The following RNF130 variants were observed in gnomAD, a reference collection of about 807,000 sequenced individuals.
RNF130 encodes ring finger protein 130.
A neutral mutation model predicts 44.6 loss-of-function variants in RNF130; 21 were observed. The observed-to-expected ratio is 0.47, with a 90% CI of 0.33 to 0.68. The LOEUF (loss-of-function observed/expected upper bound fraction) is 0.68. Among genes scored for constraint, RNF130 ranks in the 30% least tolerant of loss-of-function variants. The pLI is 0.02. For synonymous variants in RNF130, 214 were observed against 210.4 expected (o/e 1.02, Z -0.15); for missense variants, 479 against 560.6 (o/e 0.85, Z 1.47).
At chr5:180,002,423 C>T (rs1162534824) in intron 3 of RNF130, among the ~76,000 whole-genome samples, 6 of 152,176 alleles carry the variant, frequency 3.9e-5, no homozygotes, top group Non-Finnish European at 5.9e-5. Flanking sequence ...TGACTACTCA[C>T]CCCTGGAGCA....
downstream of RNF130, among the ~76,000 whole-genome samples, chr5:179,954,868 A>C (rs752342352): frequency 1.1e-4 from 16 of 152,278 alleles, no homozygotes; most frequent in Non-Finnish European, 2.2e-4. Flanking sequence ...ACAAATACTG[A>C]AAATCCTTCA....
At chr5:179,970,701 C>T (rs1484994460) in intron 5 of RNF130, among the ~76,000 whole-genome samples, 195 bp from the exon 6 acceptor site, 4 of 151,966 alleles carry the variant, frequency 2.6e-5, no homozygotes, top group Non-Finnish European at 5.9e-5. Flanking sequence ...CTCATATGTA[C>T]AACACCGTGT....
At chr5:179,935,178 T>C (rs1362003469) in intron 7 of RNF130, among the ~76,000 whole-genome samples, 1 of 152,232 alleles carries the variant, frequency 6.6e-6, no homozygotes, top group Non-Finnish European at 1.5e-5. Context: ...CTTTTTGTTA[T>C]TGATTTATAA....
intron 8 of RNF130, among the ~76,000 whole-genome samples, chr5:179,958,557 T>C (rs1019433795): frequency 6.6e-6 from 1 of 152,212 alleles, no homozygotes; most frequent in African/African-American, 2.4e-5. Context: ...GCCTTCTACC[T>C]GATCTGAGGT....
intron 3 of RNF130, among the ~76,000 whole-genome samples, chr5:180,010,326 G>A (rs1347371312): frequency 6.6e-6 from 1 of 150,732 alleles, no homozygotes; most frequent in Non-Finnish European, 1.5e-5. Context: ...AAACTCTAGA[G>A]GTTACATACT....
chr5:179,992,101 T>TATGG (rs1763096184), intron 3 of RNF130, among the ~76,000 whole-genome samples: 2 of 152,316 alleles, frequency 1.3e-5, no homozygotes, highest in African/African-American at 4.8e-5. Flanking sequence ...CCTGTATCCA[T>TATGG]GGTCTAGATC....
At chr5:179,953,342 TA>T (rs1486298655), downstream of RNF130, among the ~76,000 whole-genome samples, 2 of 151,870 alleles carry the variant, frequency 1.3e-5, no homozygotes, top group South Asian at 2.1e-4. Flanking sequence ...AAGTTGATTC[TA>T]AAATTCATGC....
intron 5 of RNF130, among the ~76,000 whole-genome samples, chr5:179,974,495 G>A (rs1310349151): frequency 6.6e-6 from 1 of 152,238 alleles, no homozygotes; most frequent in Non-Finnish European, 1.5e-5. Context: ...TAGTGCGACA[G>A]AAGAGGAAAA....
intron 1 of RNF130, among the ~76,000 whole-genome samples, chr5:180,048,579 A>G (rs1485091071): frequency 1.3e-5 from 2 of 152,172 alleles, no homozygotes; most frequent in African/African-American, 4.8e-5. Context: ...TGAAAGCTAC[A>G]GTGAACTGGG....
At chr5:180,044,386 A>G (rs1445281152) in intron 1 of RNF130, among the ~76,000 whole-genome samples, 1 of 152,102 alleles carries the variant, frequency 6.6e-6, no homozygotes, top group Non-Finnish European at 1.5e-5. Flanking sequence ...CTGAGTCCAA[A>G]AGTATTAAAA....
intron 7 of RNF130, among the ~76,000 whole-genome samples, chr5:179,941,667 T>G (rs1162972225): frequency 6.6e-6 from 1 of 152,188 alleles, no homozygotes; most frequent in African/African-American, 2.4e-5. Flanking sequence ...ACCTCCCTCT[T>G]CTCTAGGATC....
chr5:179,962,696 T>C (rs545647323), intron 8 of RNF130, among the ~76,000 whole-genome samples: 6 of 152,310 alleles, frequency 3.9e-5, no homozygotes, highest in East Asian at 1.9e-4. Flanking sequence ...TGGAACAGCA[T>C]TGGATCAAAA....
downstream of RNF130, among the ~76,000 whole-genome samples, chr5:179,954,833 TAA>T (rs1442599419): frequency 6.6e-6 from 1 of 152,218 alleles, no homozygotes; most frequent in Non-Finnish European, 1.5e-5. Context: ...GGTAGAAGAT[TAA>T]GAATTCACTG....
chr5:180,022,200 C>A (rs1438795243), intron 2 of RNF130, among the ~76,000 whole-genome samples: 1 of 152,166 alleles, frequency 6.6e-6, no homozygotes, highest in Non-Finnish European at 1.5e-5. Flanking sequence ...CAGGCATGTG[C>A]ACTGTGAAGT....
chr5:180,050,448 T>C (rs1230673174), intron 1 of RNF130, among the ~76,000 whole-genome samples: 1 of 152,360 alleles, frequency 6.6e-6, no homozygotes, highest in African/African-American at 2.4e-5. Context: ...ATCTGCTTTA[T>C]TCGGTCTACC....
chr5:180,040,334 G>A lies in RNF130; in HGVS notation c.442+119C>T, dbSNP rs371305213. ...AAAACATGCATCCCAACAAACAAAT[G>A]GCAATACTAATAGGATTATGTTGGA... is the stretch of plus-strand genomic sequence containing the variant. On this transcript the variant is annotated intron_variant, in intron 2 of 8. Transcript: ENST00000521389. 306 of 921,780 alleles carry A rather than the reference G, an allele frequency of 3.3e-4. No individual in the cohort carries two copies. In the East Asian group the frequency reaches 7.4e-3, roughly 22 times the overall value. 57.1% of individuals were successfully genotyped at this position (921,780 alleles called of 1,614,324 possible).
intron 8 of RNF130, among the ~76,000 whole-genome samples, chr5:179,959,761 C>T (rs778640506): frequency 6.6e-6 from 1 of 152,102 alleles, no homozygotes. Flanking sequence ...GGAAGATCAC[C>T]GGGAGCTTTC....
At chr5:180,033,842 T>C (rs1764189509) in intron 2 of RNF130, among the ~76,000 whole-genome samples, 1 of 152,252 alleles carries the variant, frequency 6.6e-6, no homozygotes, top group African/African-American at 2.4e-5. Flanking sequence ...CTATGAATAA[T>C]GAATTTTATT....
chr5:180,055,857 G>A lies in RNF130; in HGVS notation c.248-15210C>T, dbSNP rs543711137. 2.6e-5 allele frequency among the ~76,000 whole-genome samples: 4 copies of A among 152,252 alleles called. No individual in the cohort carries two copies. The East Asian group carries it at 5.8e-4, about 22-fold the overall frequency. On this transcript the variant is annotated intron_variant, in intron 1 of 8. Coordinates refer to ENST00000521389, the MANE Select transcript of RNF130 (RefSeq NM_018434.6). ...CTCTCACTTTGGGAGGCTGAGGTGG[G>A]TGGATCATCTGAGGTCAGGAGTTCA...
Sources: gnomAD v4.1 joint callset for allele counts (sites outside exome capture counted in the v4.1 genomes callset) on GRCh38, gnomAD v4.1.1 for gene constraint, MANE v1.5 for transcripts, NCBI Gene and HGNC (gene_info 2026-07-23, HGNC 2026-07-21) for gene names.